PTPRD: variants seen among roughly 807,000 people sequenced by gnomAD.
PTPRD encodes the protein receptor-type tyrosine-protein phosphatase delta.
A neutral mutation model predicts 214.5 loss-of-function variants in PTPRD; 34 were observed. The ratio of observed to expected loss-of-function variants is 0.16; its 90% confidence interval spans 0.12 to 0.21. PTPRD has a LOEUF of 0.21. Ranked by LOEUF, PTPRD falls within the 10% of genes least tolerant of loss-of-function variation. The pLI is 1.00. For synonymous variants in PTPRD, 1,128 were observed against 845.7 expected, an observed-to-expected ratio of 1.33 and a Z score of -5.79; for missense variants, 2,545 against 2,398.7, an observed-to-expected ratio of 1.06 and a Z score of -1.27.
chr9:9,815,986 C>T (rs541030617), intron 5 of PTPRD, among the ~76,000 whole-genome samples: 4 of 152,072 alleles, frequency 2.6e-5, no homozygotes, highest in East Asian at 1.9e-4. Flanking sequence ...TATTGCAAAG[C>T]GAAAGTACAC....
At chr9:8,336,409 T>C (rs951955474) in intron 43 of PTPRD, among the ~76,000 whole-genome samples, 2 of 147,254 alleles carry the variant, frequency 1.4e-5, no homozygotes, top group Admixed American at 6.7e-5. Flanking sequence ...TGCAGAAAAC[T>C]GAGACTGGAT....
chr9:9,807,959 C>A (rs537735944), intron 5 of PTPRD, among the ~76,000 whole-genome samples: 8 of 152,224 alleles, frequency 5.3e-5, no homozygotes, highest in African/African-American at 1.9e-4. Context: ...TTTGCTTCTA[C>A]CTCAAAGAAT....
intron 3 of PTPRD, among the ~76,000 whole-genome samples, chr9:10,037,924 C>T (rs1017856203): frequency 8.5e-5 from 13 of 152,090 alleles, no homozygotes; most frequent in Non-Finnish European, 2.9e-5. Flanking sequence ...CAGTAATGTT[C>T]TCTCAAAAAG....
chr9:9,898,997 A>G (rs1402719586), intron 5 of PTPRD, among the ~76,000 whole-genome samples: 1 of 152,118 alleles, frequency 6.6e-6, no homozygotes, highest in African/African-American at 2.4e-5. Context: ...TCCCCAAAAA[A>G]CTACCAAACA....
chr9:10,222,081 A>G (rs974323157), intron 3 of PTPRD, among the ~76,000 whole-genome samples: 1 of 152,076 alleles, frequency 6.6e-6, no homozygotes, highest in Admixed American at 6.6e-5. Flanking sequence ...ATCACAATGT[A>G]TAAAATCACA....
intron 21 of PTPRD, among the ~76,000 whole-genome samples, chr9:8,510,285 C>G (rs544130777): frequency 5.5e-4 from 84 of 152,030 alleles, no homozygotes; most frequent in Non-Finnish European, 9.7e-4. Flanking sequence ...GAGTGAGACC[C>G]TGTCTCTAAA....
chr9:10,524,794 A>G (rs1266279129), intron 2 of PTPRD, among the ~76,000 whole-genome samples: 3 of 152,058 alleles, frequency 2.0e-5, no homozygotes, highest in Non-Finnish European at 4.4e-5. Flanking sequence ...TTAAATTCAT[A>G]CTATTATAGG....
chr9:8,992,608 T>A lies in PTPRD; in HGVS notation c.-104+26089A>T, dbSNP rs114429591. ...ATGGTGAGATAGGGTTCAAGATACA[T>A]CGATTACTATAAAATAATATACGGC... On this transcript the variant is annotated intron_variant, in intron 11 of 45. Coordinates refer to ENST00000381196, the MANE Select transcript of PTPRD (RefSeq NM_002839.4). Among the ~76,000 whole-genome samples, 650 of 152,270 alleles carry A rather than the reference T, an allele frequency of 4.3e-3. 1 individual carries two copies. Among genetic ancestry groups the A allele is most frequent in the African/African-American group, 0.014 (588 of 41,550 alleles).
intron 5 of PTPRD, among the ~76,000 whole-genome samples, chr9:9,780,546 G>C (rs954428282): frequency 6.6e-6 from 1 of 152,128 alleles, no homozygotes; most frequent in Non-Finnish European, 1.5e-5. Flanking sequence ...ACCACCAAAT[G>C]TTAGCAAACA....
intron 4 of PTPRD, among the ~76,000 whole-genome samples, chr9:9,985,216 C>T (rs983711701): frequency 2.0e-5 from 3 of 152,200 alleles, no homozygotes; most frequent in South Asian, 2.1e-4. Flanking sequence ...GAGTCTCTTT[C>T]CAAATTTGTC....
chr9:8,329,903 G>A (rs1838084399), intron 44 of PTPRD, among the ~76,000 whole-genome samples: 1 of 149,666 alleles, frequency 6.7e-6, no homozygotes, highest in Non-Finnish European at 1.5e-5. Context: ...TCAGACAGCT[G>A]TACTCGCAGT....
rs73416467 is a variant in PTPRD, at chr9:8,381,822, A to C, written c.4387-5096T>G. 3.6e-3 allele frequency among the ~76,000 whole-genome samples: 546 copies of C among 152,336 alleles called. 2 individuals carry two copies. The highest frequency in any genetic ancestry group is 0.013 in the African/African-American group (524 of 41,576). Reference sequence around the variant, plus strand: ...AGAAGTTGACATAGGGAGCTGCCGTAAACTTTTCCAATGACTTCCCCCATT... The same window carrying C: ...AGAAGTTGACATAGGGAGCTGCCGTCAACTTTTCCAATGACTTCCCCCATT... On this transcript the variant is annotated intron_variant, in intron 37 of 45. Transcript: ENST00000381196.
In PTPRD at chr9:9,448,617, A is replaced by G. The variant is rs114350214; in HGVS notation, c.-236-51135T>C. ...TTTCTTTACAGCAGTGTGAAAACAGACTGATAAGCATTCACTGGATGCCCT... is the reference window on the plus strand; with the variant it reads ...TTTCTTTACAGCAGTGTGAAAACAGGCTGATAAGCATTCACTGGATGCCCT... On this transcript the variant is annotated intron_variant, in intron 8 of 45. Transcript: ENST00000381196. Among the ~76,000 whole-genome samples the G allele has an allele frequency of 4.2e-3, 643 of 152,208 alleles. 5 individuals carry two copies. The highest frequency in any genetic ancestry group is 0.014 in the African/African-American group (602 of 41,536).
In PTPRD at chr9:10,148,125, C is replaced by T. The variant is rs985127660; in HGVS notation, c.-544-114335G>A. 2.0e-5 allele frequency among the ~76,000 whole-genome samples: 3 copies of T among 152,244 alleles called. No individual in the cohort carries two copies. The South Asian group carries it at 6.2e-4, about 32-fold the overall frequency. On this transcript the variant is annotated intron_variant, in intron 3 of 45. Coordinates refer to ENST00000381196, the MANE Select transcript of PTPRD (RefSeq NM_002839.4). ...ACTATGAAGAAGGGAATCTACATGGCTATGAGACAGCTATACAGTGTGACA... is the reference window on the plus strand; with the variant it reads ...ACTATGAAGAAGGGAATCTACATGGTTATGAGACAGCTATACAGTGTGACA...
At chr9:8,398,028 A>G (rs2136085797) in intron 36 of PTPRD, among the ~76,000 whole-genome samples, 1 of 152,228 alleles carries the variant, frequency 6.6e-6, no homozygotes, top group Admixed American at 6.5e-5. Flanking sequence ...TTTCTTTTGC[A>G]TTACAGAGTA....
chr9:9,414,705 A>G (rs891446455), intron 8 of PTPRD: 1 of 152,216 alleles, frequency 6.6e-6, no homozygotes, highest in Admixed American at 6.5e-5. Flanking sequence ...GAATTTCAGA[A>G]TGTGAGACTC....
chr9:9,839,734 C>T (rs1435704391), intron 5 of PTPRD, among the ~76,000 whole-genome samples: 5 of 152,050 alleles, frequency 3.3e-5, no homozygotes, highest in Non-Finnish European at 5.9e-5. Flanking sequence ...AAAAAGAGCC[C>T]GCATCGCCAA....
At chr9:10,023,147 T>A (rs2096855987) in intron 4 of PTPRD, among the ~76,000 whole-genome samples, 1 of 152,204 alleles carries the variant, frequency 6.6e-6, no homozygotes, top group South Asian at 2.1e-4. Flanking sequence ...TTTCTGTAAA[T>A]CATTAAATAT....
At chr9:9,493,436 C>T (rs868476001) in intron 8 of PTPRD, among the ~76,000 whole-genome samples, 17 of 152,110 alleles carry the variant, frequency 1.1e-4, no homozygotes, top group Non-Finnish European at 2.1e-4. Context: ...ACCACAATAA[C>T]CATTCTGCAG....
Sources: gnomAD v4.1 joint callset for allele counts (sites outside exome capture counted in the v4.1 genomes callset) on GRCh38, gnomAD v4.1.1 for gene constraint, MANE v1.5 for transcripts, NCBI Gene and HGNC (gene_info 2026-07-23, HGNC 2026-07-21) for gene names.